The following MTPN variants were observed in gnomAD, a reference collection of about 807,000 sequenced individuals.
MTPN encodes granule cell differentiation protein.
In MTPN, 2 loss-of-function variants were observed where a neutral mutation model predicts 13.5. That is an observed-to-expected ratio of 0.15 (90% CI 0.06 to 0.47). The LOEUF is 0.47. Ranked by LOEUF, MTPN falls within the 20% of genes least tolerant of loss-of-function variation. MTPN has a pLI of 0.97. For missense variants in MTPN, 79 were observed against 137.9 expected (o/e 0.57, Z 2.14); for synonymous variants, 46 against 51.7 (o/e 0.89, Z 0.48).
intron 3 of MTPN, among the ~76,000 whole-genome samples, chr7:135,936,416 C>T (rs951411198): frequency 6.6e-6 from 1 of 152,106 alleles, no homozygotes; most frequent in Admixed American, 6.5e-5. Context: ...ACCCAGGAGG[C>T]GGAGGTTGCA....
chr7:135,930,460 A>G (rs1799002643), intron 3 of MTPN, among the ~76,000 whole-genome samples: 1 of 152,320 alleles, frequency 6.6e-6, no homozygotes, highest in Non-Finnish European at 1.5e-5. Context: ...CATCAAGAAC[A>G]AATACTGTAT....
In MTPN at chr7:135,977,155, C is replaced by T; in HGVS notation, c.-55G>A. ...GCAGAAGATGAGGAGGCGGTGGCAG[C>T]AGCAAGCGGATGCCGCCGGGCGAGA... On this transcript the variant is annotated 5_prime_UTR_variant, in exon 1 of 4. Transcript: ENST00000393085. The T allele has an allele frequency of 6.3e-7, 1 of 1,588,182 alleles. No homozygotes were observed. Among genetic ancestry groups the T allele is most frequent in the Non-Finnish European group, 8.6e-7 (1 of 1,157,766 alleles).
chr7:135,927,451 A>G lies in MTPN; in HGVS notation c.*2475T>C, dbSNP rs1562926532. On this transcript the variant is annotated 3_prime_UTR_variant, in exon 4 of 4. Coordinates refer to ENST00000393085, the MANE Select transcript of MTPN (RefSeq NM_145808.4). ...GTGCATATGAAATGACTGATTTAAT[A>G]CAAAACTACAGAACATGCAAAATTT... is the stretch of plus-strand genomic sequence containing the variant. 3 of 1,530,100 alleles carry G rather than the reference A, an allele frequency of 2.0e-6. No homozygotes were observed. Among genetic ancestry groups the G allele is most frequent in the Non-Finnish European group, 2.6e-6 (3 of 1,137,258 alleles). The allele number at this position is 1,530,100 out of a possible 1,614,324, so 94.8% of individuals were successfully genotyped here. A position where few individuals can be genotyped will look rare whatever the true frequency, so the allele number is the denominator to read the frequency against.
chr7:135,971,591 T>C lies in MTPN; in HGVS notation c.72+5438A>G, dbSNP rs572431220. Among the ~76,000 whole-genome samples the C allele has an allele frequency of 2.6e-5, 4 of 152,330 alleles. No individual in the cohort carries two copies. The South Asian group carries it at 8.3e-4, about 32-fold the overall frequency. ...TCTCAGCTTCACCACTTAAGAACTT[T>C]ATGATCTTGAGCAAGTTATTTAATC... is the stretch of plus-strand genomic sequence containing the variant. On this transcript the variant is annotated intron_variant, in intron 1 of 3. Transcript: ENST00000393085.
intron 1 of MTPN, chr7:135,960,567 G>A (rs1799505746): frequency 6.6e-6 from 1 of 151,518 alleles, no homozygotes; most frequent in South Asian, 2.1e-4. Context: ...TGGAGGTAGG[G>A]TATAAAAATC....
At chr7:135,951,916 A>T (rs1342027271) in intron 1 of MTPN, among the ~76,000 whole-genome samples, 1 of 152,224 alleles carries the variant, frequency 6.6e-6, no homozygotes, top group East Asian at 1.9e-4. Context: ...GAGTTCAATC[A>T]GCATAGTGTC....
intron 1 of MTPN, among the ~76,000 whole-genome samples, chr7:135,969,700 G>A (rs746425209): frequency 1.1e-4 from 16 of 151,974 alleles, no homozygotes; most frequent in Non-Finnish European, 1.8e-4. Context: ...GAAAAAAAGC[G>A]ATACATTTAA....
chr7:135,958,017 G>C (rs1020724108), intron 1 of MTPN, among the ~76,000 whole-genome samples: 1 of 151,806 alleles, frequency 6.6e-6, no homozygotes, highest in Non-Finnish European at 1.5e-5. Flanking sequence ...ATACTCCTTT[G>C]TAACAACCCT....
In MTPN at chr7:135,928,215, G is replaced by C. The variant is rs1033186447; in HGVS notation, c.*1711C>G. The stretch of plus-strand genomic sequence containing the variant: ...CCACTACTTTGTGATTGTTTTCTTG[G>C]ATGTAGGAAAATTACAGGGTTAGGC... On this transcript the variant is annotated 3_prime_UTR_variant, in exon 4 of 4. Transcript: ENST00000393085. 1 of 167,154 alleles carries C rather than the reference G, an allele frequency of 6.0e-6. No individual in the cohort carries two copies. Among genetic ancestry groups the C allele is most frequent in the African/African-American group, 2.4e-5 (1 of 41,356 alleles). The allele number at this position is 167,154 out of a possible 1,614,324, so 10.4% of individuals were successfully genotyped here. A position where few individuals can be genotyped will look rare whatever the true frequency, so the allele number is the denominator to read the frequency against.
intron 1 of MTPN, among the ~76,000 whole-genome samples, chr7:135,970,777 T>A (rs1799682004): frequency 1.3e-5 from 2 of 152,130 alleles, no homozygotes. Flanking sequence ...TTAAAATGAC[T>A]AAAAGCATTA....
At chr7:135,950,764 GAT>G in intron 2 of MTPN, 82 bp from the exon 3 acceptor site, 1 of 1,085,304 alleles carries the variant, frequency 9.2e-7, no homozygotes. Context: ...ACTCTTTCTA[GAT>G]TTACCTATTT....
chr7:135,958,311 A>C (rs1374236705), intron 1 of MTPN, among the ~76,000 whole-genome samples: 1 of 152,178 alleles, frequency 6.6e-6, no homozygotes, highest in Non-Finnish European at 1.5e-5. Flanking sequence ...ACTTGTGCAT[A>C]GCAGTCTTAT....
intron 1 of MTPN, among the ~76,000 whole-genome samples, chr7:135,969,240 A>T (rs74884465): frequency 2.5e-5 from 1 of 40,434 alleles, no homozygotes; most frequent in South Asian, 7.0e-4. Context: ...AAGTATAATA[A>T]AAAAAAAAAA....
chr7:135,956,886 C>T (rs550039381), intron 1 of MTPN, among the ~76,000 whole-genome samples: 25 of 152,308 alleles, frequency 1.6e-4, no homozygotes, highest in South Asian at 1.2e-3. Flanking sequence ...CCTTCCAGGG[C>T]TAAACTTTAC....
chr7:135,970,422 T>A (rs1454381074), intron 1 of MTPN, among the ~76,000 whole-genome samples: 1 of 152,182 alleles, frequency 6.6e-6, no homozygotes, highest in East Asian at 1.9e-4. Context: ...AAGTTAGGAG[T>A]TATCTAAATA....
chr7:135,953,983 A>AT (rs71174562), intron 1 of MTPN, among the ~76,000 whole-genome samples: 1 of 152,210 alleles, frequency 6.6e-6, no homozygotes, highest in Non-Finnish European at 1.5e-5. Flanking sequence ...TAATGTATAT[A>AT]TATAATGTCT....
At chr7:135,964,596 A>G (rs1799576467) in intron 1 of MTPN, among the ~76,000 whole-genome samples, 4 of 152,066 alleles carry the variant, frequency 2.6e-5, no homozygotes. Context: ...ATTACAAGTA[A>G]TGATTCCTCA....
chr7:135,932,557 A>G (rs1562928140), intron 3 of MTPN: 1 of 152,230 alleles, frequency 6.6e-6, no homozygotes, highest in East Asian at 1.9e-4. Flanking sequence ...ACTAATGTTA[A>G]CATCTTAGTG....
intron 3 of MTPN, among the ~76,000 whole-genome samples, chr7:135,937,985 C>T (rs1035620772): frequency 5.3e-5 from 8 of 152,132 alleles, no homozygotes; most frequent in Non-Finnish European, 8.8e-5. Context: ...CATCTATATG[C>T]TTCCGGTGAA....
Sources: allele counts gnomAD v4.1 joint callset (sites outside exome capture counted in the v4.1 genomes callset), GRCh38; gene constraint gnomAD v4.1.1; transcripts MANE v1.5; gene names NCBI Gene and HGNC (gene_info 2026-07-23, HGNC 2026-07-21).